EXO1: variants seen among roughly 807,000 people sequenced by gnomAD.
EXO1 encodes the protein exonuclease 1.
A neutral mutation model predicts 84.5 loss-of-function variants in EXO1; 69 were observed. The observed-to-expected ratio is 0.82, with a 90% CI of 0.67 to 1.00. The LOEUF is 1.00. Among genes scored for constraint, EXO1 ranks in the 50% least tolerant of loss-of-function variants. The pLI is 0.00. For synonymous variants in EXO1, 373 were observed against 366.1 expected, an observed-to-expected ratio of 1.02 and a Z score of -0.21; for missense variants, 1,045 against 1,000.7, an observed-to-expected ratio of 1.04 and a Z score of -0.60.
chr1:241,869,487 A>G (rs957381290), intron 11 of EXO1, among the ~76,000 whole-genome samples: 1 of 152,168 alleles, frequency 6.6e-6, no homozygotes, highest in African/African-American at 2.4e-5. Context: ...GGTGAATGAA[A>G]TAGCAACAAT....
intron 11 of EXO1, 67 bp from the exon 12 acceptor site, chr1:241,871,965 G>A: frequency 9.0e-7 from 1 of 1,111,998 alleles, no homozygotes; most frequent in Non-Finnish European, 1.3e-6. Flanking sequence ...GATATAAACT[G>A]AAGTTAAGGC....
chr1:241,888,321 AG>A (rs1177162806), intron 15 of EXO1, among the ~76,000 whole-genome samples: 3 of 152,230 alleles, frequency 2.0e-5, no homozygotes, highest in Non-Finnish European at 4.4e-5. Flanking sequence ...GCTTCCATCA[AG>A]AACATTTTTG....
In EXO1 at chr1:241,853,460, C is replaced by T. The variant is rs1558121812; in HGVS notation, c.384C>T (p.Ala128=). 1.2e-6 allele frequency: 2 copies of T among 1,613,998 alleles called. No individual in the cohort carries two copies. The highest frequency in any genetic ancestry group is 1.1e-5 in the South Asian group (1 of 91,076). Residue 128 remains alanine, a synonymous_variant, in exon 6 of 16, where the codon GCC becomes GCT. Transcript: ENST00000366548. ...CFTRSINITH[A]MAHKVIKAAR... is the part of the protein sequence containing the mutation. ...CCCGGTCTATCAATATCACACATGC[C>T]ATGGCCCACAAAGTAATTAAAGTAA...
chr1:241,861,796 G>A (rs1776133), intron 10 of EXO1, among the ~76,000 whole-genome samples: 94,115 of 152,010 alleles, frequency 0.62, 29,658 homozygotes, highest in East Asian at 0.8. Context: ...ATCTCACTCC[G>A]TTCGGCTTCT....
intron 5 of EXO1, 86 bp from the exon 6 acceptor site, chr1:241,853,272 A>G: frequency 6.7e-7 from 1 of 1,482,852 alleles, no homozygotes; most frequent in South Asian, 1.1e-5. Flanking sequence ...CAGTTCTAGG[A>G]AAGCTTCTTG....
chr1:241,854,063 G>T (rs1433251515), intron 6 of EXO1, among the ~76,000 whole-genome samples: 1 of 152,078 alleles, frequency 6.6e-6, no homozygotes, highest in East Asian at 1.9e-4. Flanking sequence ...AAATCTTAGT[G>T]TCAAGGTGCC....
At chr1:241,867,719 A>G (rs369155830) in intron 11 of EXO1, among the ~76,000 whole-genome samples, 1 of 152,146 alleles carries the variant, frequency 6.6e-6, no homozygotes, top group South Asian at 2.1e-4. Flanking sequence ...GCTGTTTAAA[A>G]TCAGCTGACC....
chr1:241,872,034 G>A lies in EXO1; in HGVS notation c.1270G>A (p.Glu424Lys), dbSNP rs2148480977. The A allele has an allele frequency of 6.2e-7, 1 of 1,612,582 alleles. No homozygotes were observed. Among genetic ancestry groups the A allele is most frequent in the Non-Finnish European group, 8.5e-7 (1 of 1,179,182 alleles). ...SSIVKRPRSA[E>K]LSEDDLLSQY... is the part of the protein sequence containing the mutation. ...CAGATAATTTTGTTTTTATTTAGCA[G>A]AGCTGTCAGAAGATGACCTGTTGAG... Residue 424 changes from glutamate (E) to lysine (K), a missense_variant and splice_region_variant, in exon 12 of 16, where the codon GAG becomes AAG. Glu to Lys is a moderately conservative substitution (Grantham distance 56, BLOSUM62 1). Transcript: ENST00000366548.
At chr1:241,868,017 G>A (rs530355779) in intron 11 of EXO1, among the ~76,000 whole-genome samples, 1 of 151,628 alleles carries the variant, frequency 6.6e-6, no homozygotes, top group African/African-American at 2.4e-5. Flanking sequence ...AAGGCAGGTG[G>A]ATTGCTTGAG....
chr1:241,867,096 C>A, intron 11 of EXO1, 41 bp downstream of exon 11: 2 of 1,408,300 alleles, frequency 1.4e-6, no homozygotes, highest in South Asian at 1.2e-5. Flanking sequence ...GAATATTGGT[C>A]ATATTTAAAG....
chr1:241,875,058 C>T (rs1662313388), intron 12 of EXO1, among the ~76,000 whole-genome samples: 1 of 152,092 alleles, frequency 6.6e-6, no homozygotes, highest in African/African-American at 2.4e-5. Context: ...GGCTGGAGTA[C>T]AGTGGCGCCA....
At position 241,878,889 on chromosome 1, in the gene EXO1, A is replaced by T. The variant is rs774812988; in HGVS notation, c.1655A>T (p.Asp552Val). The T allele has an allele frequency of 1.2e-6, 2 of 1,614,200 alleles. No homozygotes were observed. Among genetic ancestry groups the T allele is most frequent in the South Asian group, 2.2e-5 (2 of 91,090 alleles). ...GACCAAGAAGGCAAGAGACTGGTTG[A>T]CACAGATGTAGCACGTAATTCAAGT... ...YGDQEGKRLV[D>V]TDVARNSSDD... The change falls in exon 13 of 16, where the codon GAC becomes GTC. Residue 552 changes from aspartate to valine, a missense_variant. Asp to Val is a radical substitution (Grantham distance 152). Transcript: ENST00000366548.
chr1:241,889,443 T>G (rs1422037483), intron 15 of EXO1, 22 bp from the exon 16 acceptor site: 1 of 1,602,888 alleles, frequency 6.2e-7, no homozygotes, highest in Non-Finnish European at 8.5e-7. Context: ...AAATACCAAA[T>G]GTATTTTATT....
Position 241,878,811 on chromosome 1 carries a change from ATG to A in EXO1, c.1578_1579del (p.Asp526GlufsTer7), listed in dbSNP as rs775025243. Reference sequence around the variant, plus strand: ...AACAAAGTGAGCATCCAGCCTCTGGATGAAACTGCTGTCACAGATAAAGAGAA... The same window carrying A: ...AACAAAGTGAGCATCCAGCCTCTGGAAAACTGCTGTCACAGATAAAGAGAA... On this transcript the variant is annotated frameshift_variant, in exon 13 of 16. Transcript: ENST00000366548. LOFTEE classifies it high-confidence loss of function. The A allele has an allele frequency of 7.1e-5, 114 of 1,613,978 alleles. No homozygotes were observed. Among genetic ancestry groups the A allele is most frequent in the Non-Finnish European group, 9.2e-5 (108 of 1,180,024 alleles).
At chr1:241,850,089 G>A (rs562353516) in intron 3 of EXO1, among the ~76,000 whole-genome samples, 9 of 152,112 alleles carry the variant, frequency 5.9e-5, no homozygotes, top group Non-Finnish European at 1.3e-4. Context: ...AGACCATCCT[G>A]GCTAACATGG....
chr1:241,858,440 T>C (rs1661186554), intron 7 of EXO1, 66 bp from the exon 8 acceptor site: 3 of 926,640 alleles, frequency 3.2e-6, no homozygotes, highest in Non-Finnish European at 5.4e-6. Flanking sequence ...TTAAAATTAT[T>C]GCAGTGGATT....
chr1:241,873,928 G>C (rs1384443243), intron 12 of EXO1, among the ~76,000 whole-genome samples: 6 of 152,146 alleles, frequency 3.9e-5, no homozygotes, highest in Non-Finnish European at 5.9e-5. Context: ...GTAAAGATGG[G>C]GGGCAGCATG....
chr1:241,873,137 A>T (rs1181245190), intron 12 of EXO1, among the ~76,000 whole-genome samples: 1 of 151,808 alleles, frequency 6.6e-6, no homozygotes, highest in Non-Finnish European at 1.5e-5. Flanking sequence ...GGTTTGTCAC[A>T]TATGTATACA....
intron 6 of EXO1, among the ~76,000 whole-genome samples, chr1:241,856,466 ATATG>A (rs754409222): frequency 6.6e-6 from 1 of 152,068 alleles, no homozygotes; most frequent in Non-Finnish European, 1.5e-5. Flanking sequence ...CCTATAATAT[ATATG>A]TAAGATACAT....
Sources: gnomAD v4.1 joint callset for allele counts (sites outside exome capture counted in the v4.1 genomes callset) on GRCh38, gnomAD v4.1.1 for gene constraint, MANE v1.5 for transcripts, NCBI Gene and HGNC (gene_info 2026-07-23, HGNC 2026-07-21) for gene names.